The following ACYP2 variants were observed in gnomAD, a reference collection of about 807,000 sequenced individuals.
ACYP2 encodes acylphosphatase-2.
In ACYP2, 12 loss-of-function variants were observed where a neutral mutation model predicts 11.2. That is an observed-to-expected ratio of 1.08 (90% CI 0.69 to 1.74). The LOEUF (loss-of-function observed/expected upper bound fraction) is 1.74, where lower values mean the gene tolerates loss of function less well. Ranked by LOEUF, ACYP2 falls within the 40% of genes most tolerant of loss-of-function variation. The pLI, the probability that ACYP2 is intolerant of heterozygous loss-of-function variation, is 0.00. For synonymous variants in ACYP2, 43 were observed against 32.2 expected (o/e 1.33, Z -1.13); for missense variants, 134 against 101.9 (o/e 1.31, Z -1.35).
chr2:53,972,054 A>G (rs1671162345), intron 1 of ACYP2, among the ~76,000 whole-genome samples: 1 of 152,250 alleles, frequency 6.6e-6, no homozygotes, highest in South Asian at 2.1e-4. Context: ...TCACGCCTGT[A>G]ATCCCAGCAC....
At chr2:54,005,434 G>A (rs1673014243) in intron 2 of ACYP2, among the ~76,000 whole-genome samples, 1 of 151,694 alleles carries the variant, frequency 6.6e-6, no homozygotes, top group African/African-American at 2.4e-5. Flanking sequence ...CCACCTGCCA[G>A]GTTCAAGCGA....
intron 6 of ACYP2, among the ~76,000 whole-genome samples, chr2:54,203,810 T>G (rs1684955488): frequency 6.6e-6 from 1 of 152,018 alleles, no homozygotes; most frequent in Non-Finnish European, 1.5e-5. Context: ...CCCCTTTTTT[T>G]TTTCAAAAAG....
intron 6 of ACYP2, among the ~76,000 whole-genome samples, chr2:54,292,820 G>A (rs1409535313): frequency 6.6e-6 from 1 of 152,100 alleles, no homozygotes; most frequent in Non-Finnish European, 1.5e-5. Context: ...ATACTTGCAT[G>A]AGAATCACAG....
chr2:54,190,175 G>A (rs1486072403), intron 6 of ACYP2, among the ~76,000 whole-genome samples: 4 of 152,012 alleles, frequency 2.6e-5, no homozygotes, highest in Non-Finnish European at 4.4e-5. Flanking sequence ...TCATTTTGTT[G>A]ATTGTTTCCT....
At chr2:54,095,241 T>C (rs1415632750) in intron 4 of ACYP2, among the ~76,000 whole-genome samples, 2 of 152,216 alleles carry the variant, frequency 1.3e-5, no homozygotes, top group African/African-American at 2.4e-5. Flanking sequence ...GGCAAAATAA[T>C]TTTTCTTAGT....
intron 6 of ACYP2, chr2:54,253,609 C>G (rs998184338): frequency 6.6e-6 from 1 of 152,234 alleles, no homozygotes; most frequent in Non-Finnish European, 1.5e-5. Context: ...CTCTTCCCAT[C>G]ATAACTAGTC....
Position 54,110,928 on chromosome 2 carries a change from G to A in ACYP2, c.278-24525G>A, listed in dbSNP as rs952329942. Among the ~76,000 whole-genome samples, 40 of 152,090 alleles carry A rather than the reference G, an allele frequency of 2.6e-4. No homozygotes were observed. The Middle Eastern group carries it at 0.021, about 78-fold the overall frequency. On this transcript the variant is annotated intron_variant, in intron 4 of 6. Transcript: ENST00000607452. ...TGACTGCCAAGCAGAGCAAAGAGAG[G>A]TGGTTGAGTTCAGAGCAATCTGTGA...
intron 6 of ACYP2, among the ~76,000 whole-genome samples, chr2:54,267,630 G>T (rs1008548698): frequency 6.6e-6 from 1 of 152,194 alleles, no homozygotes; most frequent in African/African-American, 2.4e-5. Flanking sequence ...GGAATTAAAA[G>T]AACTCTATGG....
intron 2 of ACYP2, among the ~76,000 whole-genome samples, chr2:53,989,298 T>C (rs1328852505): frequency 6.7e-6 from 1 of 149,646 alleles, no homozygotes; most frequent in Admixed American, 6.7e-5. Flanking sequence ...TTTTTTTTTT[T>C]TTCACAGACA....
Position 54,135,388 on chromosome 2 carries a change from C to T in ACYP2, c.278-65C>T, listed in dbSNP as rs1452809497. ...GGGACCACCTAGATAAAAGTTAAGTCAGGAAACATATAACCTTTTAAAGGA... is the reference window on the plus strand; with the variant it reads ...GGGACCACCTAGATAAAAGTTAAGTTAGGAAACATATAACCTTTTAAAGGA... On this transcript the variant is annotated intron_variant, in intron 4 of 6. Coordinates refer to ENST00000607452, the MANE Select transcript of ACYP2 (RefSeq NM_001320586.2). 6 of 1,504,116 alleles carry T rather than the reference C, an allele frequency of 4.0e-6. No homozygotes were observed. The African/African-American group carries it at 4.2e-5, about 11-fold the overall frequency. 93.2% of individuals were successfully genotyped at this position (1,504,116 alleles called of 1,614,324 possible).
chr2:54,116,934 G>A (rs1305122732), intron 4 of ACYP2, among the ~76,000 whole-genome samples: 1 of 152,180 alleles, frequency 6.6e-6, no homozygotes, highest in African/African-American at 2.4e-5. Context: ...TACAGAACAG[G>A]TGACTCAGGA....
At chr2:54,164,426 G>T (rs150744864) in intron 6 of ACYP2, among the ~76,000 whole-genome samples, 1 of 152,290 alleles carries the variant, frequency 6.6e-6, no homozygotes, top group African/African-American at 2.4e-5. Context: ...TTTAGGAGGA[G>T]TCATTAATGG....
intron 6 of ACYP2, among the ~76,000 whole-genome samples, chr2:54,287,900 C>G (rs762119443): frequency 6.6e-6 from 1 of 152,004 alleles, no homozygotes; most frequent in African/African-American, 2.4e-5. Flanking sequence ...GTAGTTTGAA[C>G]AGCACCCACA....
chr2:54,249,009 G>GT (rs1298941700), intron 6 of ACYP2, among the ~76,000 whole-genome samples: 1 of 152,096 alleles, frequency 6.6e-6, no homozygotes, highest in Non-Finnish European at 1.5e-5. Context: ...TTAAGGAATA[G>GT]TAAGGAGTTC....
chr2:54,289,206 G>T (rs1689201746), intron 6 of ACYP2, among the ~76,000 whole-genome samples: 1 of 151,734 alleles, frequency 6.6e-6, no homozygotes, highest in Non-Finnish European at 1.5e-5. Flanking sequence ...CTCCCTTTCA[G>T]CCTCACATCC....
intron 6 of ACYP2, among the ~76,000 whole-genome samples, chr2:54,229,275 A>G (rs1265181915): frequency 1.3e-5 from 2 of 152,244 alleles, no homozygotes; most frequent in Non-Finnish European, 2.9e-5. Flanking sequence ...GTTTCATAAC[A>G]TAATTACAAA....
At chr2:54,226,000 C>T (rs1012360816) in intron 6 of ACYP2, among the ~76,000 whole-genome samples, 6 of 152,128 alleles carry the variant, frequency 3.9e-5, no homozygotes, top group Admixed American at 3.9e-4. Flanking sequence ...ATGTTTTACT[C>T]TAGTAGATTT....
chr2:54,202,723 TTTTTTTTTTTTTTTTTTTTTTTTTG>T, intron 6 of ACYP2, among the ~76,000 whole-genome samples: 1 of 109,992 alleles, frequency 9.1e-6, no homozygotes, highest in African/African-American at 3.9e-5. Flanking sequence ...TTTTTTTTTT[TTTTTTTTTTTTTTTTTTTTTTTTTG>T]AGATGAGTCT....
At chr2:54,238,564 C>T (rs1686599744) in intron 6 of ACYP2, among the ~76,000 whole-genome samples, 1 of 151,992 alleles carries the variant, frequency 6.6e-6, no homozygotes, top group South Asian at 2.1e-4. Flanking sequence ...TTCTGTTCAT[C>T]AATGTTACCT....
Sources: gnomAD v4.1 joint callset for allele counts (sites outside exome capture counted in the v4.1 genomes callset) on GRCh38, gnomAD v4.1.1 for gene constraint, MANE v1.5 for transcripts, NCBI Gene and HGNC (gene_info 2026-07-23, HGNC 2026-07-21) for gene names.